Variants in KCND3 observed in about 807,000 individuals in gnomAD.
The protein encoded by KCND3 is potassium voltage-gated channel subfamily D member 3.
A neutral mutation model predicts 51.1 loss-of-function variants in KCND3; 9 were observed. That is an observed-to-expected ratio of 0.18 (90% CI 0.11 to 0.31). The LOEUF is 0.31. KCND3 is among the 10% of genes least tolerant of loss of function. The pLI is 1.00. For missense variants in KCND3, 526 were observed against 903.8 expected, an observed-to-expected ratio of 0.58 and a Z score of 5.36; for synonymous variants, 349 against 368.0, an observed-to-expected ratio of 0.95 and a Z score of 0.59.
chr1:111,836,971 T>G (rs913434042), intron 2 of KCND3, among the ~76,000 whole-genome samples: 1 of 152,208 alleles, frequency 6.6e-6, no homozygotes, highest in Non-Finnish European at 1.5e-5. Context: ...CCCCTGTGAA[T>G]TGACACAAAA....
chr1:111,810,618 C>G (rs1321632762), intron 2 of KCND3, among the ~76,000 whole-genome samples: 1 of 152,186 alleles, frequency 6.6e-6, no homozygotes. Context: ...CTCTTTCCAG[C>G]CCTGGAGCTA....
At chr1:111,954,022 G>C (rs924743896) in intron 2 of KCND3, among the ~76,000 whole-genome samples, 1 of 152,068 alleles carries the variant, frequency 6.6e-6, no homozygotes, top group Non-Finnish European at 1.5e-5. Flanking sequence ...GATGGGGGGT[G>C]GGGGGAAGTG....
rs141091449 is a variant in KCND3, at chr1:111,819,520, G to A, written c.1107-32414C>T. ...ATCGAGGTGAAAGTTAACTTAATGC[G>A]GAACAATTAAGACTGCTCACAGCTC... On this transcript the variant is annotated intron_variant, in intron 2 of 7. Transcript: ENST00000302127. Among the ~76,000 whole-genome samples, 121 of 152,268 alleles carry A rather than the reference G, an allele frequency of 7.9e-4. 1 individual carries two copies. Among genetic ancestry groups the A allele is most frequent in the African/African-American group, 2.9e-3 (119 of 41,532 alleles).
intron 2 of KCND3, among the ~76,000 whole-genome samples, chr1:111,928,663 G>A (rs1172553888): frequency 6.6e-6 from 1 of 152,236 alleles, no homozygotes; most frequent in Non-Finnish European, 1.5e-5. Flanking sequence ...GGGCAGCCAG[G>A]AACGAAGAAG....
intron 2 of KCND3, among the ~76,000 whole-genome samples, chr1:111,791,630 A>G (rs759134511): frequency 4.6e-5 from 7 of 152,220 alleles, no homozygotes; most frequent in Non-Finnish European, 1.0e-4. Context: ...ATCCTGTGGT[A>G]GCGATGGTGA....
At chr1:111,939,930 G>C (rs1672413571) in intron 2 of KCND3, among the ~76,000 whole-genome samples, 1 of 152,110 alleles carries the variant, frequency 6.6e-6, no homozygotes, top group Non-Finnish European at 1.5e-5. Context: ...ATTCTAACTG[G>C]CATGAGATGG....
At chr1:111,835,305 T>C (rs1486944240) in intron 2 of KCND3, among the ~76,000 whole-genome samples, 2 of 152,202 alleles carry the variant, frequency 1.3e-5, no homozygotes, top group Non-Finnish European at 2.9e-5. Context: ...CCAACAGATA[T>C]TCAGAAAATC....
intron 2 of KCND3, among the ~76,000 whole-genome samples, chr1:111,801,886 C>T (rs1314009574): frequency 2.0e-5 from 3 of 152,174 alleles, no homozygotes; most frequent in Non-Finnish European, 4.4e-5. Flanking sequence ...GTGGCAGGAC[C>T]TACACCCACG....
chr1:111,896,182 T>A (rs1670104401), intron 2 of KCND3, among the ~76,000 whole-genome samples: 1 of 151,996 alleles, frequency 6.6e-6, no homozygotes, highest in Non-Finnish European at 1.5e-5. Flanking sequence ...ACACGGTGAA[T>A]ACGCGTCAGA....
chr1:111,819,031 C>T (rs929136367), intron 2 of KCND3, among the ~76,000 whole-genome samples: 1 of 152,000 alleles, frequency 6.6e-6, no homozygotes, highest in Non-Finnish European at 1.5e-5. Context: ...GGTCTTGCTC[C>T]GTTGCCCGGG....
rs374077403 is a variant in KCND3, at chr1:111,813,164, G to A, written c.1107-26058C>T. Among the ~76,000 whole-genome samples the A allele has an allele frequency of 3.3e-4, 50 of 152,228 alleles. No individual in the cohort carries two copies. The East Asian group carries it at 7.2e-3, about 22-fold the overall frequency. On this transcript the variant is annotated intron_variant, in intron 2 of 7. Coordinates refer to ENST00000302127, the MANE Select transcript of KCND3 (RefSeq NM_001378969.1). ...CATGTGGGAGTGGGGGTATGGGAAG[G>A]GGTCATAGTGAGGTCACAGGGGCCC... is the stretch of plus-strand genomic sequence containing the variant.
intron 2 of KCND3, among the ~76,000 whole-genome samples, chr1:111,916,158 G>T (rs1356652141): frequency 1.3e-5 from 2 of 152,170 alleles, no homozygotes; most frequent in Non-Finnish European, 2.9e-5. Context: ...CACTGGCTAA[G>T]ATAAGACCGT....
intron 2 of KCND3, among the ~76,000 whole-genome samples, chr1:111,968,893 G>A (rs1474875857): frequency 6.6e-6 from 1 of 152,120 alleles, no homozygotes; most frequent in Admixed American, 6.5e-5. Context: ...CCCAGTCCAG[G>A]ACACTAGCAA....
At chr1:111,954,443 C>T (rs1673222364) in intron 2 of KCND3, among the ~76,000 whole-genome samples, 1 of 152,184 alleles carries the variant, frequency 6.6e-6, no homozygotes, top group Non-Finnish European at 1.5e-5. Context: ...CCATTTGTGT[C>T]ATCTAAAAGT....
chr1:111,785,231 G>C (rs559574346), intron 3 of KCND3, among the ~76,000 whole-genome samples: 2 of 152,154 alleles, frequency 1.3e-5, no homozygotes, highest in Non-Finnish European at 2.9e-5. Flanking sequence ...TAGCCCCTTG[G>C]GGGCAGGGCC....
intron 2 of KCND3, among the ~76,000 whole-genome samples, chr1:111,820,502 T>C (rs533851791): frequency 1.8e-4 from 27 of 152,342 alleles, no homozygotes; most frequent in South Asian, 6.2e-4. Context: ...CCTTGCAATG[T>C]AGATATTGCT....
At chr1:111,931,854 G>T (rs372878493) in intron 2 of KCND3, among the ~76,000 whole-genome samples, 4 of 152,224 alleles carry the variant, frequency 2.6e-5, no homozygotes, top group Non-Finnish European at 5.9e-5. Flanking sequence ...GGGCCAGACT[G>T]ACATGGAACT....
At chr1:111,855,081 C>G (rs1668001998) in intron 2 of KCND3, among the ~76,000 whole-genome samples, 1 of 152,136 alleles carries the variant, frequency 6.6e-6, no homozygotes, top group Non-Finnish European at 1.5e-5. Flanking sequence ...GCCAGCTGCT[C>G]TCACCACCCC....
intron 2 of KCND3, among the ~76,000 whole-genome samples, chr1:111,866,680 C>G (rs1668591869): frequency 6.6e-6 from 1 of 151,346 alleles, no homozygotes; most frequent in Non-Finnish European, 1.5e-5. Flanking sequence ...ACCTGTAGTC[C>G]TGGTTACTCA....
Sources: allele counts gnomAD v4.1 joint callset (sites outside exome capture counted in the v4.1 genomes callset), GRCh38; gene constraint gnomAD v4.1.1; transcripts MANE v1.5; gene names NCBI Gene and HGNC (gene_info 2026-07-23, HGNC 2026-07-21).